The following CCNA1 variants were observed in gnomAD, a reference collection of about 807,000 sequenced individuals.
CCNA1 encodes cyclin-A1.
Under a neutral mutation model 54.1 loss-of-function variants are expected in CCNA1, and 23 were observed. The ratio of observed to expected loss-of-function variants is 0.42; its 90% confidence interval spans 0.31 to 0.60. The LOEUF (loss-of-function observed/expected upper bound fraction) is 0.60, where lower values mean the gene tolerates loss of function less well. CCNA1 is among the 20% of genes least tolerant of loss of function. The pLI, the probability that CCNA1 is intolerant of heterozygous loss-of-function variation, is 0.14. For synonymous variants in CCNA1, 208 were observed against 213.9 expected (o/e 0.97, Z 0.24); for missense variants, 450 against 556.7 (o/e 0.81, Z 1.93).
At chr13:36,434,746 T>G (rs2055779211) in intron 2 of CCNA1, among the ~76,000 whole-genome samples, 1 of 151,390 alleles carries the variant, frequency 6.6e-6, no homozygotes, top group Non-Finnish European at 1.5e-5. Context: ...GAAGAGAATC[T>G]CCACATGTCC....
intron 2 of CCNA1, among the ~76,000 whole-genome samples, chr13:36,436,122 A>G (rs1156450253): frequency 6.6e-6 from 1 of 152,138 alleles, no homozygotes; most frequent in Non-Finnish European, 1.5e-5. Flanking sequence ...CTTACTCTCC[A>G]CCTGTGCACA....
chr13:36,437,709 G>A lies in CCNA1; in HGVS notation c.378G>A (p.Gly126=), dbSNP rs759740467. Residue 126 remains glycine, a synonymous_variant, in exon 3 of 9, where the codon GGG becomes GGA. Transcript: ENST00000255465. Reference sequence around the variant, plus strand: ...GAAAGAAAGCACTCCCTGACTGTGGGGTCCAAGAGCCCCCCAAGCAAGGGT... The same window carrying A: ...GAAAGAAAGCACTCCCTGACTGTGGAGTCCAAGAGCCCCCCAAGCAAGGGT... The A allele has an allele frequency of 5.0e-6, 8 of 1,613,976 alleles. No homozygotes were observed. The highest frequency in any genetic ancestry group is 3.3e-5 in the Admixed American group (2 of 59,998).
chr13:36,432,948 T>C (rs2055734020), intron 1 of CCNA1, 85 bp from the exon 2 acceptor site: 3 of 1,296,448 alleles, frequency 2.3e-6, no homozygotes, highest in Admixed American at 3.7e-5. Flanking sequence ...CTTGGTGCTC[T>C]CCCTCCTAGA....
At position 36,442,827 on chromosome 13, in the gene CCNA1, A is replaced by ATTTTT. The variant is rs2055892115; in HGVS notation, c.*163_*164insTTTTT. On this transcript the variant is annotated 3_prime_UTR_variant, in exon 9 of 9. Coordinates refer to ENST00000255465, the MANE Select transcript of CCNA1 (RefSeq NM_003914.4). ...TTCCCTTAGACTTTAGTAGTTTGTA[A>ATTTTT]TATAGTCCAACATTTTTTAAACAAT... 4.9e-6 allele frequency: 3 copies of ATTTTT among 615,594 alleles called. No homozygotes were observed. The African/African-American group carries it at 5.5e-5, about 11-fold the overall frequency. The allele number at this position is 615,594 out of a possible 1,614,324, so 38.1% of individuals were successfully genotyped here.
chr13:36,441,711 T>C (rs576037007), intron 7 of CCNA1, among the ~76,000 whole-genome samples: 1 of 152,332 alleles, frequency 6.6e-6, no homozygotes, highest in Admixed American at 6.5e-5. Flanking sequence ...GGCTCACTGT[T>C]GTACTAAAAG....
Position 36,442,722 on chromosome 13 carries a change from C to A in CCNA1, c.*57C>A. On this transcript the variant is annotated 3_prime_UTR_variant, in exon 9 of 9. Transcript: ENST00000255465. ...CCTCCATATCAGAAGTGCCAATAAT[C>A]GTCATAGGCTTCTGCACGTTGGATC... 1 of 1,379,686 alleles carries A rather than the reference C, an allele frequency of 7.2e-7. No individual in the cohort carries two copies. Among genetic ancestry groups the A allele is most frequent in the East Asian group, 2.3e-5 (1 of 43,850 alleles). The allele number at this position is 1,379,686 out of a possible 1,614,324, so 85.5% of individuals were successfully genotyped here. A position where few individuals can be genotyped will look rare whatever the true frequency, so the allele number is the denominator to read the frequency against.
intron 2 of CCNA1, among the ~76,000 whole-genome samples, 165 bp downstream of exon 2, chr13:36,433,386 CTT>C (rs2055746174): frequency 8.3e-5 from 6 of 72,590 alleles, no homozygotes; most frequent in Non-Finnish European, 5.2e-5. Context: ...TTCTTTCTTT[CTT>C]TCTTTCTTTC....
chr13:36,433,659 G>C (rs762038968), intron 2 of CCNA1, among the ~76,000 whole-genome samples: 2 of 150,840 alleles, frequency 1.3e-5, no homozygotes, highest in Non-Finnish European at 3.0e-5. Context: ...TCCTGCCTCA[G>C]CCTCCCGAGT....
At chr13:36,436,561 T>C (rs1341180960) in intron 2 of CCNA1, among the ~76,000 whole-genome samples, 1 of 152,234 alleles carries the variant, frequency 6.6e-6, no homozygotes, top group East Asian at 1.9e-4. Flanking sequence ...ACACAGTATC[T>C]ATGTAGCAAG....
rs1470302965 is a variant in CCNA1, at chr13:36,441,137, T to C, written c.1118T>C (p.Leu373Pro). ...GCTTAGTACGTAGCAGAGCTGAGTC[T>C]ACTTGAAGCAGATCCATTCTTGAAA... Residue 373 changes from leucine (L) to proline (P), a missense_variant, in exon 7 of 9, where the codon CTA becomes CCA. By Grantham distance (98) the Leu-to-Pro change is moderately conservative. This residue lies in a region of CCNA1 where 150 missense variants were observed against 219.7 expected (regional missense o/e 0.68). Coordinates refer to ENST00000255465, the MANE Select transcript of CCNA1 (RefSeq NM_003914.4). The C allele has an allele frequency of 6.2e-7, 1 of 1,607,134 alleles. No individual in the cohort carries two copies. The highest frequency in any genetic ancestry group is 8.5e-7 in the Non-Finnish European group (1 of 1,174,254).
At chr13:36,431,700 A>G (rs1348375783), upstream of CCNA1, 2 of 152,136 alleles carry the variant, frequency 1.3e-5, no homozygotes, top group African/African-American at 4.8e-5. Flanking sequence ...GACCCCCGCG[A>G]TGGAGACGCA....
chr13:36,434,189 A>G (rs1337558887), intron 2 of CCNA1, among the ~76,000 whole-genome samples: 1 of 152,238 alleles, frequency 6.6e-6, no homozygotes, highest in Non-Finnish European at 1.5e-5. Context: ...ACATCTTCCC[A>G]GTACTGACTA....
In CCNA1 at chr13:36,433,072, C is replaced by T. The variant is rs2055736036; in HGVS notation, c.148C>T (p.Pro50Ser). Residue 50 changes from proline (P) to serine (S), a missense_variant, in exon 2 of 9, where the codon CCC becomes TCC. By Grantham distance (74) the Pro-to-Ser change is moderately conservative (BLOSUM62 -1). Around this residue, in one of 6 missense-constraint regions of CCNA1, gnomAD observed 103 missense variants for 100.9 expected, o/e 1.02. Coordinates refer to ENST00000255465, the MANE Select transcript of CCNA1 (RefSeq NM_003914.4). ...GTCTGAAGCAATGCACTGCAGCAAC[C>T]CCAAGAGTGGAGTTGTGCTGGCTAC... 1.2e-6 allele frequency: 2 copies of T among 1,614,082 alleles called. No homozygotes were observed. Among genetic ancestry groups the T allele is most frequent in the African/African-American group, 2.7e-5 (2 of 75,060 alleles).
At position 36,433,041 on chromosome 13, in the gene CCNA1, C is replaced by A; in HGVS notation, c.117C>A (p.Pro39=). ...TTCTCTTTCCCTGGTAGCAGCAGCC[C>A]GTGGAGTCTGAAGCAATGCACTGCA... Residue 39 remains proline, a synonymous_variant, in exon 2 of 9, where the codon CCC becomes CCA. Transcript: ENST00000255465. 6.2e-7 allele frequency: 1 copy of A among 1,612,430 alleles called. No homozygotes were observed. The highest frequency in any genetic ancestry group is 8.5e-7 in the Non-Finnish European group (1 of 1,179,216).
At chr13:36,435,069 C>T (rs76163674) in intron 2 of CCNA1, among the ~76,000 whole-genome samples, 5 of 152,084 alleles carry the variant, frequency 3.3e-5, no homozygotes, top group African/African-American at 1.2e-4. Context: ...TCACCTTGAC[C>T]GGTCCCTTTT....
intron 2 of CCNA1, among the ~76,000 whole-genome samples, chr13:36,436,657 T>C (rs1476592994): frequency 3.3e-5 from 5 of 152,246 alleles, no homozygotes; most frequent in South Asian, 2.1e-4. Context: ...CAGTAACTTA[T>C]GATTGTGACT....
At chr13:36,437,907 G>A (rs947317) in intron 3 of CCNA1, 32 bp downstream of exon 3, 1 of 1,601,976 alleles carries the variant, frequency 6.2e-7, no homozygotes, top group Admixed American at 1.7e-5. Context: ...GATGGCTGAT[G>A]GTACCCTGTA....
intron 7 of CCNA1, among the ~76,000 whole-genome samples, chr13:36,441,525 T>C (rs1210517646): frequency 6.6e-6 from 1 of 152,184 alleles, no homozygotes; most frequent in Admixed American, 6.5e-5. Context: ...AATCATTGAC[T>C]GCTTCAAGCA....
At chr13:36,437,478 A>G in intron 2 of CCNA1, 151 bp from the exon 3 acceptor site, 2 of 751,642 alleles carry the variant, frequency 2.7e-6, no homozygotes, top group South Asian at 3.7e-5. Context: ...ACTTTTGAAG[A>G]CCTTTTTTTT....
Sources: gnomAD v4.1 joint callset for allele counts (sites outside exome capture counted in the v4.1 genomes callset) on GRCh38, gnomAD v4.1.1 for gene constraint, gnomAD v4.1.1 regional missense constraint, MANE v1.5 for transcripts, NCBI Gene and HGNC (gene_info 2026-07-23, HGNC 2026-07-21) for gene names.